The following ST18 variants were observed in gnomAD, a reference collection of about 807,000 sequenced individuals.
The protein encoded by ST18 is suppression of tumorigenicity 18 protein.
A neutral mutation model predicts 110.0 loss-of-function variants in ST18; 50 were observed. That is an observed-to-expected ratio of 0.45 (90% CI 0.36 to 0.58). ST18 has a LOEUF of 0.58. Ranked by LOEUF, ST18 falls within the 20% of genes least tolerant of loss-of-function variation. The pLI, the probability that ST18 is intolerant of heterozygous loss-of-function variation, is 0.00. For synonymous variants in ST18, 461 were observed against 452.4 expected (o/e 1.02, Z -0.24); for missense variants, 1,306 against 1,280.1 (o/e 1.02, Z -0.31).
At chr8:52,153,617 C>A (rs2059329925) in intron 15 of ST18, among the ~76,000 whole-genome samples, 2 of 152,118 alleles carry the variant, frequency 1.3e-5, no homozygotes, top group South Asian at 4.2e-4. Flanking sequence ...GGAGAAATAA[C>A]TAATGTAAGG....
chr8:52,191,801 G>A (rs921625922), intron 8 of ST18, among the ~76,000 whole-genome samples: 1 of 152,130 alleles, frequency 6.6e-6, no homozygotes, highest in Non-Finnish European at 1.5e-5. Flanking sequence ...AAATATGCGG[G>A]CCCATGGGCA....
chr8:52,336,853 G>A lies in ST18; in HGVS notation c.-465+72475C>T, dbSNP rs563157359. On this transcript the variant is annotated intron_variant, in intron 2 of 25. Transcript: ENST00000689386. ...TTTCTGACACTCCAGCGTGGTGTAC[G>A]CAGGTGGGGGTTGTAAGCCCTGAGG... Among the ~76,000 whole-genome samples the A allele has an allele frequency of 1.2e-4, 18 of 152,280 alleles. No homozygotes were observed. In the South Asian group the frequency reaches 1.2e-3, roughly 11 times the overall value.
At chr8:52,402,485 T>C (rs983192517) in intron 2 of ST18, among the ~76,000 whole-genome samples, 1 of 151,982 alleles carries the variant, frequency 6.6e-6, no homozygotes, top group African/African-American at 2.4e-5. Flanking sequence ...ATCCTGGAGA[T>C]CAGGGCACAG....
At chr8:52,353,596 C>A (rs1378837038) in intron 2 of ST18, among the ~76,000 whole-genome samples, 2 of 151,964 alleles carry the variant, frequency 1.3e-5, no homozygotes, top group Non-Finnish European at 2.9e-5. Flanking sequence ...TAATGGGAGG[C>A]AAAGTGAATG....
chr8:52,400,332 A>C (rs1010224812), intron 2 of ST18, among the ~76,000 whole-genome samples: 1 of 152,062 alleles, frequency 6.6e-6, no homozygotes, highest in South Asian at 2.1e-4. Flanking sequence ...GGCAGCATAA[A>C]GTTGGATGTT....
chr8:52,161,353 G>A (rs774732351), intron 14 of ST18, 22 bp downstream of exon 14: 9 of 1,606,660 alleles, frequency 5.6e-6, no homozygotes, highest in African/African-American at 5.4e-5. Flanking sequence ...TTGGGGAAAC[G>A]GCATTAGAGC....
chr8:52,282,740 T>C (rs143796562), intron 2 of ST18, among the ~76,000 whole-genome samples: 1 of 151,656 alleles, frequency 6.6e-6, no homozygotes, highest in African/African-American at 2.4e-5. Context: ...ATCGGGAAGG[T>C]GAGTCATCGG....
intron 2 of ST18, among the ~76,000 whole-genome samples, chr8:52,357,733 A>G (rs1441488345): frequency 8.3e-6 from 1 of 120,758 alleles, no homozygotes; most frequent in Non-Finnish European, 1.8e-5. Context: ...ATATATATAA[A>G]ACAGACTCAA....
intron 2 of ST18, among the ~76,000 whole-genome samples, chr8:52,268,468 C>CTATCT (rs57241279): frequency 5.4e-5 from 8 of 148,612 alleles, no homozygotes; most frequent in African/African-American, 1.3e-4. Context: ...ATCTATCTAT[C>CTATCT]ATCTATCTAT....
chr8:52,215,288 T>C (rs895565469), intron 6 of ST18, among the ~76,000 whole-genome samples: 2 of 152,116 alleles, frequency 1.3e-5, no homozygotes, highest in African/African-American at 2.4e-5. Flanking sequence ...TTTCCTTTAA[T>C]AAACCTTTTA....
intron 17 of ST18, among the ~76,000 whole-genome samples, chr8:52,142,103 G>A (rs1412142232): frequency 6.6e-6 from 1 of 152,112 alleles, no homozygotes; most frequent in Non-Finnish European, 1.5e-5. Context: ...GGAGGCTCCA[G>A]GACCAAGTTT....
At chr8:52,338,088 CA>C (rs1238265329) in intron 2 of ST18, among the ~76,000 whole-genome samples, 15 of 152,116 alleles carry the variant, frequency 9.9e-5, no homozygotes, top group African/African-American at 3.4e-4. Context: ...GACAGAGTGT[CA>C]CTTTTGTTGC....
intron 8 of ST18, among the ~76,000 whole-genome samples, chr8:52,203,585 A>G (rs1379710005): frequency 6.6e-6 from 1 of 152,220 alleles, no homozygotes; most frequent in Non-Finnish European, 1.5e-5. Context: ...AGGTGTCAGA[A>G]ACATTATGTT....
intron 8 of ST18, among the ~76,000 whole-genome samples, chr8:52,207,399 G>A (rs528958923): frequency 1.8e-4 from 27 of 152,306 alleles, no homozygotes; most frequent in African/African-American, 5.5e-4. Flanking sequence ...GGCTGAGGTC[G>A]GAGGATTGCC....
At chr8:52,312,556 A>G (rs2095938524) in intron 2 of ST18, among the ~76,000 whole-genome samples, 1 of 152,244 alleles carries the variant, frequency 6.6e-6, no homozygotes, top group African/African-American at 2.4e-5. Context: ...CTGAAACCAG[A>G]TGGATCCTAG....
chr8:52,175,342 C>T (rs139127273), intron 9 of ST18, among the ~76,000 whole-genome samples: 2 of 152,264 alleles, frequency 1.3e-5, no homozygotes, highest in East Asian at 1.9e-4. Flanking sequence ...TAACATTGAC[C>T]CCCAAGGACG....
In ST18 at chr8:52,398,888, C is replaced by T. The variant is rs1842022534; in HGVS notation, c.-465+10440G>A. On this transcript the variant is annotated intron_variant, in intron 2 of 25. Coordinates refer to ENST00000689386, the MANE Select transcript of ST18 (RefSeq NM_001352837.2). Reference sequence around the variant, plus strand: ...TATTAACATTCATCAGAGAGACTGGCCTGTAGTTTTCTTTTTCTGTGGTGT... The same window carrying T: ...TATTAACATTCATCAGAGAGACTGGTCTGTAGTTTTCTTTTTCTGTGGTGT... Among the ~76,000 whole-genome samples the T allele has an allele frequency of 4.6e-5, 7 of 152,040 alleles. No homozygotes were observed. In the South Asian group the frequency reaches 1.5e-3, roughly 32 times the overall value.
intron 2 of ST18, among the ~76,000 whole-genome samples, chr8:52,334,199 T>C (rs1284789214): frequency 2.0e-5 from 3 of 152,244 alleles, no homozygotes; most frequent in African/African-American, 7.2e-5. Flanking sequence ...CAACAATATT[T>C]AGCTTATCTC....
chr8:52,144,853 G>T (rs1481899670), intron 16 of ST18, among the ~76,000 whole-genome samples: 3 of 151,952 alleles, frequency 2.0e-5, no homozygotes, highest in Non-Finnish European at 1.5e-5. Context: ...GCTGTAAATG[G>T]CTAAAATGAA....
Sources: allele counts gnomAD v4.1 joint callset (sites outside exome capture counted in the v4.1 genomes callset), GRCh38; gene constraint gnomAD v4.1.1; transcripts MANE v1.5; gene names NCBI Gene and HGNC (gene_info 2026-07-23, HGNC 2026-07-21).